The following WIPF2 variants were observed in gnomAD, a reference collection of about 807,000 sequenced individuals.
WIPF2 encodes WAS/WASL-interacting protein family member 2.
Under a neutral mutation model 38.8 loss-of-function variants are expected in WIPF2, and 23 were observed. The observed-to-expected ratio is 0.59, with a 90% CI of 0.43 to 0.84. The LOEUF is 0.84. Among genes scored for constraint, WIPF2 ranks in the 40% least tolerant of loss-of-function variants. The probability of loss-of-function intolerance (pLI) is 0.00; values close to 1 mark genes in which losing one functional copy is unlikely to be tolerated. For missense variants in WIPF2, 574 were observed against 580.5 expected, an observed-to-expected ratio of 0.99 and a Z score of 0.11; for synonymous variants, 210 against 223.2, an observed-to-expected ratio of 0.94 and a Z score of 0.53.
intron 1 of WIPF2, among the ~76,000 whole-genome samples, chr17:40,233,064 T>C (rs2145296297): frequency 6.6e-6 from 1 of 152,310 alleles, no homozygotes; most frequent in African/African-American, 2.4e-5. Context: ...CACTGTGTGG[T>C]TACACCCAGG....
rs1195373687 is a variant in WIPF2, at chr17:40,282,530, T to G, written c.*4305T>G. The G allele has an allele frequency of 6.6e-6, 1 of 152,244 alleles. No individual in the cohort carries two copies. The highest frequency in any genetic ancestry group is 1.5e-5 in the Non-Finnish European group (1 of 68,038). The allele number at this position is 152,244 out of a possible 1,614,324, so 9.4% of individuals were successfully genotyped here. The stretch of plus-strand genomic sequence containing the variant: ...TTTAGAAAATAATTTATTGTATGAT[T>G]TATTTTGGAGTTATATTCTGATTAC... On this transcript the variant is annotated 3_prime_UTR_variant, in exon 8 of 8. Transcript: ENST00000323571.
intron 1 of WIPF2, among the ~76,000 whole-genome samples, chr17:40,222,385 C>T (rs1169545806): frequency 1.1e-4 from 16 of 151,182 alleles, no homozygotes; most frequent in Non-Finnish European, 1.9e-4. Context: ...AGGCTGGGCG[C>T]GCTGGCTCAT....
chr17:40,255,525 ATG>A (rs1180083247), intron 1 of WIPF2, among the ~76,000 whole-genome samples: 2 of 150,572 alleles, frequency 1.3e-5, no homozygotes, highest in Non-Finnish European at 3.0e-5. Context: ...GGGTTTCTCC[ATG>A]TTGGTCAGGC....
chr17:40,262,756 A>T, intron 4 of WIPF2, 115 bp downstream of exon 4: 2 of 794,456 alleles, frequency 2.5e-6, no homozygotes, highest in East Asian at 2.5e-5. Flanking sequence ...AAGACTTGGG[A>T]GTAGGGGAGG....
chr17:40,257,589 G>C (rs1376207227), intron 2 of WIPF2, among the ~76,000 whole-genome samples: 1 of 151,566 alleles, frequency 6.6e-6, no homozygotes, highest in South Asian at 2.1e-4. Flanking sequence ...GAGGTGGGTG[G>C]ATTGCTTGAG....
chr17:40,239,721 G>A (rs1018839917), intron 1 of WIPF2, among the ~76,000 whole-genome samples: 5 of 138,788 alleles, frequency 3.6e-5, no homozygotes, highest in Non-Finnish European at 7.7e-5. Flanking sequence ...TTGAGACGGA[G>A]TCTCACTCTG....
chr17:40,272,124 A>G (rs999950455), intron 5 of WIPF2, among the ~76,000 whole-genome samples: 3 of 151,900 alleles, frequency 2.0e-5, no homozygotes, highest in Admixed American at 1.3e-4. Flanking sequence ...GGTTCAAGCA[A>G]TTCTCCTGCC....
chr17:40,238,775 G>A (rs1482848593), intron 1 of WIPF2, among the ~76,000 whole-genome samples: 5 of 151,840 alleles, frequency 3.3e-5, no homozygotes, highest in African/African-American at 1.2e-4. Flanking sequence ...CATCAGTGTG[G>A]CTAATTTTTG....
rs2032500702 is a variant in WIPF2 at position 40,279,589 on chromosome 17, G to A, written c.*1364G>A. On this transcript the variant is annotated 3_prime_UTR_variant, in exon 8 of 8. Coordinates refer to ENST00000323571, the MANE Select transcript of WIPF2 (RefSeq NM_133264.5). ...GGTCCTAAAGAGCACAGAGAAAATG[G>A]AGGTCCCCAGTCTAGGTAGGAAGCT... 6.6e-6 allele frequency: 1 copy of A among 152,548 alleles called. No homozygotes were observed. Among genetic ancestry groups the A allele is most frequent in the Non-Finnish European group, 1.5e-5 (1 of 68,048 alleles). The allele number at this position is 152,548 out of a possible 1,614,324, so 9.4% of individuals were successfully genotyped here. A position where few individuals can be genotyped will look rare whatever the true frequency, so the allele number is the denominator to read the frequency against.
chr17:40,271,748 T>A (rs778863248), intron 5 of WIPF2, among the ~76,000 whole-genome samples: 6 of 152,218 alleles, frequency 3.9e-5, no homozygotes, highest in Non-Finnish European at 5.9e-5. Flanking sequence ...ACTTCGCATG[T>A]GTGGCTATAA....
intron 1 of WIPF2, among the ~76,000 whole-genome samples, chr17:40,255,484 C>G (rs191420625): frequency 4.0e-5 from 6 of 151,848 alleles, no homozygotes; most frequent in Admixed American, 2.0e-4. Context: ...TGCCACCATG[C>G]CCAGTTAATT....
chr17:40,257,038 G>A (rs769400823), intron 2 of WIPF2, among the ~76,000 whole-genome samples: 11 of 152,068 alleles, frequency 7.2e-5, no homozygotes, highest in Non-Finnish European at 1.3e-4. Context: ...GAGTGCAGTG[G>A]CACGGTCTCG....
At chr17:40,261,699 T>G (rs2031911073) in intron 3 of WIPF2, among the ~76,000 whole-genome samples, 1 of 150,114 alleles carries the variant, frequency 6.7e-6, no homozygotes, top group Non-Finnish European at 1.5e-5. Flanking sequence ...TTGTTTTTTT[T>G]TTTTGGAGAC....
Position 40,219,395 on chromosome 17 carries a change from C to T in WIPF2, c.-167C>T. 7.3e-6 allele frequency: 3 copies of T among 409,546 alleles called. No individual in the cohort carries two copies. The highest frequency in any genetic ancestry group is 2.2e-5 in the South Asian group (1 of 45,278). 25.4% of individuals were successfully genotyped at this position (409,546 alleles called of 1,614,324 possible). ...GCGGCGGCGGCGGCGGCGGCGGCGGCGGCGACGGCGAGAAAGAGCTTGCCG... is the reference window on the plus strand; with the variant it reads ...GCGGCGGCGGCGGCGGCGGCGGCGGTGGCGACGGCGAGAAAGAGCTTGCCG... On this transcript the variant is annotated 5_prime_UTR_variant, in exon 1 of 8. Coordinates refer to ENST00000323571, the MANE Select transcript of WIPF2 (RefSeq NM_133264.5).
At chr17:40,253,483 ACTT>A (rs1200989928) in intron 1 of WIPF2, among the ~76,000 whole-genome samples, 12 of 152,122 alleles carry the variant, frequency 7.9e-5, no homozygotes, top group Non-Finnish European at 1.5e-5. Context: ...TGGTTTTTCT[ACTT>A]CTTGTGTTTT....
chr17:40,258,167 G>T (rs2031789215), intron 2 of WIPF2, among the ~76,000 whole-genome samples: 1 of 152,232 alleles, frequency 6.6e-6, no homozygotes, highest in East Asian at 1.9e-4. Context: ...GGAGGCCGAG[G>T]CGGGCGGATC....
intron 5 of WIPF2, among the ~76,000 whole-genome samples, chr17:40,273,440 G>A (rs572830868): frequency 1.3e-5 from 2 of 152,192 alleles, no homozygotes; most frequent in African/African-American, 4.8e-5. Context: ...AATTTGGAGG[G>A]GTAAGAGACA....
intron 5 of WIPF2, among the ~76,000 whole-genome samples, chr17:40,273,327 ACCCAG>A (rs2032299363): frequency 6.6e-6 from 1 of 152,164 alleles, no homozygotes; most frequent in South Asian, 2.1e-4. Flanking sequence ...GAGCCATCAC[ACCCAG>A]CCACAGTTTG....
chr17:40,276,766 T>C (rs976240084), intron 6 of WIPF2, among the ~76,000 whole-genome samples: 1 of 151,868 alleles, frequency 6.6e-6, no homozygotes, highest in Non-Finnish European at 1.5e-5. Context: ...TACAGAAAAC[T>C]AGCCGGGTGA....
Sources: allele counts gnomAD v4.1 joint callset (sites outside exome capture counted in the v4.1 genomes callset), GRCh38; gene constraint gnomAD v4.1.1; transcripts MANE v1.5; gene names NCBI Gene and HGNC (gene_info 2026-07-23, HGNC 2026-07-21).